Variants in AGA observed in about 807,000 individuals in gnomAD.
The protein encoded by AGA is aspartylglucosaminidase.
AGA carries 31 observed loss-of-function variants against 40.1 expected under a neutral mutation model. That is an observed-to-expected ratio of 0.77 (90% CI 0.58 to 1.04). The LOEUF is 1.04. Among genes scored for constraint, AGA ranks in the 50% least tolerant of loss-of-function variants. The pLI is 0.00. For synonymous variants in AGA, 148 were observed against 144.0 expected (o/e 1.03, Z -0.20); for missense variants, 445 against 435.4 (o/e 1.02, Z -0.20).
intron 1 of AGA, among the ~76,000 whole-genome samples, chr4:177,441,776 TA>T (rs1188454499): frequency 6.6e-6 from 1 of 151,960 alleles, no homozygotes; most frequent in East Asian, 1.9e-4. Flanking sequence ...AAGTGGCAGG[TA>T]AAGTATGACA....
chr4:177,439,681 T>C lies in AGA; in HGVS notation c.289A>G (p.Met97Val). The C allele has an allele frequency of 6.2e-7, 1 of 1,605,860 alleles. No homozygotes were observed. Among genetic ancestry groups the C allele is most frequent in the Non-Finnish European group, 8.5e-7 (1 of 1,173,440 alleles). Residue 97 changes from methionine (M) to valine (V), a missense_variant, in exon 3 of 9, where the codon ATG becomes GTG. By Grantham distance (21) the Met-to-Val change is conservative. Transcript: ENST00000264595. The part of the protein sequence containing the change: ...LDAMIMDGTT[M>V]DVGAVGDLRR... The stretch of plus-strand genomic sequence containing the variant: ...AGATCTCCTACTGCTCCTACATCCA[T>C]AGTAGTGCTGCAAGAAAATAGAATG...
chr4:177,437,558 A>G (rs1736865241), intron 4 of AGA, 39 bp from the exon 5 acceptor site: 1 of 1,437,318 alleles, frequency 7.0e-7, no homozygotes. Context: ...TACAAAGGGT[A>G]TTTTTAGAAA....
intron 7 of AGA, among the ~76,000 whole-genome samples, chr4:177,433,763 C>T (rs886352737): frequency 1.3e-5 from 2 of 152,152 alleles, no homozygotes; most frequent in African/African-American, 4.8e-5. Context: ...CTACTTTTAC[C>T]ATCAATTATC....
chr4:177,437,475 T>G lies in AGA; in HGVS notation c.552A>C (p.Pro184=), dbSNP rs751337443. 6.2e-7 allele frequency: 1 copy of G among 1,613,482 alleles called. No homozygotes were observed. The highest frequency in any genetic ancestry group is 1.7e-5 in the Admixed American group (1 of 60,022). ...DPSKYCGPYK[P]PGILKQDIPI... ...GAATATCCTGCTTTAAGATACCAGG[T>G]GGTTTGTAGGGTCCGCAGTATTTTG... Residue 184 remains proline (P), a synonymous_variant, in exon 5 of 9, where the codon CCA becomes CCC. Coordinates refer to ENST00000264595, the MANE Select transcript of AGA (RefSeq NM_000027.4).
chr4:177,434,310 T>A, intron 7 of AGA, 72 bp downstream of exon 7: 1 of 1,441,872 alleles, frequency 6.9e-7, no homozygotes, highest in South Asian at 1.1e-5. Flanking sequence ...GCCTCAAAAA[T>A]TATTTTCTAT....
chr4:177,438,727 A>T lies in AGA; in HGVS notation c.507+18T>A. On this transcript the variant is annotated intron_variant, in intron 4 of 8. Coordinates refer to ENST00000264595, the MANE Select transcript of AGA (RefSeq NM_000027.4). ...TATTTTCAATTAACTTATTTTTTTA[A>T]ATTAAATGTGTGCATACCCTCCAAT... The T allele has an allele frequency of 6.7e-7, 1 of 1,483,190 alleles. No homozygotes were observed. 91.9% of individuals were successfully genotyped at this position (1,483,190 alleles called of 1,614,324 possible).
At chr4:177,434,330 A>G in intron 7 of AGA, 52 bp downstream of exon 7, 1 of 1,545,280 alleles carries the variant, frequency 6.5e-7, no homozygotes, top group Non-Finnish European at 8.9e-7. Flanking sequence ...TCTTAAAAGA[A>G]AAAAATATCT....
In AGA at chr4:177,431,389, A is replaced by G. The variant is rs1490763638; in HGVS notation, c.*319T>C. 1 of 434,296 alleles carries G rather than the reference A, an allele frequency of 2.3e-6. No individual in the cohort carries two copies. Among genetic ancestry groups the G allele is most frequent in the Admixed American group, 3.1e-5 (1 of 32,158 alleles). The allele number at this position is 434,296 out of a possible 1,614,324, so 26.9% of individuals were successfully genotyped here. ...AATATGATGATTCCTTTTGGGTTTA[A>G]TATATCACTGTGGAAATAAATCTCA... is the stretch of plus-strand genomic sequence containing the variant. On this transcript the variant is annotated 3_prime_UTR_variant, in exon 9 of 9. Coordinates refer to ENST00000264595, the MANE Select transcript of AGA (RefSeq NM_000027.4).
chr4:177,435,605 C>A (rs1451021487), intron 6 of AGA, among the ~76,000 whole-genome samples: 1 of 151,990 alleles, frequency 6.6e-6, no homozygotes, highest in Non-Finnish European at 1.5e-5. Context: ...AAATTAAATC[C>A]AGAATGCCTT....
intron 1 of AGA, among the ~76,000 whole-genome samples, chr4:177,440,902 C>A (rs558327732): frequency 6.6e-6 from 1 of 152,084 alleles, no homozygotes; most frequent in African/African-American, 2.4e-5. Flanking sequence ...ACAATTACAA[C>A]GTGGACTTCA....
At position 177,437,494 on chromosome 4, in the gene AGA, T is replaced by G; in HGVS notation, c.533A>C (p.Tyr178Ser). 1 of 1,610,826 alleles carries G rather than the reference T, an allele frequency of 6.2e-7. No individual in the cohort carries two copies. Among genetic ancestry groups the G allele is most frequent in the Non-Finnish European group, 8.5e-7 (1 of 1,177,050 alleles). Residue 178 changes from tyrosine to serine, a missense_variant, in exon 5 of 9, where the codon TAC (tyrosine) becomes TCC (serine). Transcript: ENST00000264595. ...ACCAGGTGGTTTGTAGGGTCCGCAG[T>G]ATTTTGAGGGATCTGGTATAACATT... The part of the protein sequence containing the change: ...WRNVIPDPSK[Y>S]CGPYKPPGIL...
intron 1 of AGA, 54 bp downstream of exon 1, chr4:177,442,189 AGTCATC>A: frequency 6.2e-7 from 1 of 1,603,566 alleles, no homozygotes; most frequent in Non-Finnish European, 8.5e-7. Flanking sequence ...GGGGCGGGCT[AGTCATC>A]CCCACCCGCA....
In AGA at chr4:177,442,416, A is replaced by G. The variant is rs1330913471; in HGVS notation, c.-41T>C. The G allele has an allele frequency of 6.2e-7, 1 of 1,612,962 alleles. No individual in the cohort carries two copies. The highest frequency in any genetic ancestry group is 8.5e-7 in the Non-Finnish European group (1 of 1,179,556). Reference sequence around the variant, plus strand: ...AGACCAGCGCGAGAAAAGTCCCGGCAGCCAGCGATCGCCGAACAATTAATC... The same window carrying G: ...AGACCAGCGCGAGAAAAGTCCCGGCGGCCAGCGATCGCCGAACAATTAATC... On this transcript the variant is annotated 5_prime_UTR_variant, in exon 1 of 9. Transcript: ENST00000264595.
At position 177,437,470 on chromosome 4, in the gene AGA, C is replaced by T; in HGVS notation, c.557G>A (p.Gly186Asp). ...GATAGGAATATCCTGCTTTAAGATA[C>T]CAGGTGGTTTGTAGGGTCCGCAGTA... is the stretch of plus-strand genomic sequence containing the variant. ...SKYCGPYKPP[G>D]ILKQDIPIHK... The change falls in exon 5 of 9, where the codon GGT becomes GAT. Residue 186 changes from glycine to aspartate, a missense_variant. Coordinates refer to ENST00000264595, the MANE Select transcript of AGA (RefSeq NM_000027.4). The T allele has an allele frequency of 6.2e-7, 1 of 1,613,408 alleles. No individual in the cohort carries two copies.
At chr4:177,435,348 T>A (rs1736776893) in intron 6 of AGA, among the ~76,000 whole-genome samples, 1 of 152,224 alleles carries the variant, frequency 6.6e-6, no homozygotes, top group South Asian at 2.1e-4. Flanking sequence ...CAAATACACA[T>A]AATTTTCATT....
Position 177,440,970 on chromosome 4 carries a change from C to T in AGA, c.128-544G>A, listed in dbSNP as rs778149749. On this transcript the variant is annotated intron_variant, in intron 1 of 8. Transcript: ENST00000264595. ...TTCTGTGGTAGGTACTGTACAATCA[C>T]GACCCTCATTTTAAAGAAAAGTAAA... is the stretch of plus-strand genomic sequence containing the variant. 1.0e-3 allele frequency among the ~76,000 whole-genome samples: 158 copies of T among 152,190 alleles called. 3 individuals carry two copies. The highest frequency in any genetic ancestry group is 3.4e-3 in the Middle Eastern group (1 of 294).
Position 177,434,437 on chromosome 4 carries a change from C to T in AGA, c.751G>A (p.Ala251Thr). Residue 251 changes from alanine to threonine, a missense_variant, in exon 7 of 9, where the codon GCA becomes ACA. Coordinates refer to ENST00000264595, the MANE Select transcript of AGA (RefSeq NM_000027.4). The stretch of plus-strand genomic sequence containing the variant: ...TTCCCAGTGGCTGCGGCTGCCCCTG[C>T]AGTATCGTCAGCATAGGCTCCAGCT... ...PGAGAYADDT[A>T]GAAAATGNGD... is the part of the protein sequence containing the mutation. The T allele has an allele frequency of 6.2e-7, 1 of 1,614,162 alleles. No homozygotes were observed. Among genetic ancestry groups the T allele is most frequent in the Non-Finnish European group, 8.5e-7 (1 of 1,180,028 alleles).
intron 2 of AGA, 46 bp downstream of exon 2, chr4:177,440,227 T>C (rs1485869840): frequency 6.2e-7 from 1 of 1,609,594 alleles, no homozygotes; most frequent in Non-Finnish European, 8.5e-7. Flanking sequence ...ACCACAACTC[T>C]AAATGTAACT....
At position 177,440,366 on chromosome 4, in the gene AGA, A is replaced by G. The variant is rs760773119; in HGVS notation, c.188T>C (p.Met63Thr). The G allele has an allele frequency of 2.5e-6, 4 of 1,613,910 alleles. No homozygotes were observed. Among genetic ancestry groups the G allele is most frequent in the Middle Eastern group, 1.6e-4 (1 of 6,080 alleles). ...ALDAVESGCA[M>T]CEREQCDGSV... Reference sequence around the variant, plus strand: ...GCCGTCACACTGCTCTCTCTCACACATGGCACAGCCGCTCTCCACTGCATC... The same window carrying G: ...GCCGTCACACTGCTCTCTCTCACACGTGGCACAGCCGCTCTCCACTGCATC... The change falls in exon 2 of 9, where the codon ATG becomes ACG. Residue 63 changes from methionine to threonine, a missense_variant. By Grantham distance (81) the Met-to-Thr change is moderately conservative. Transcript: ENST00000264595.
Sources: gnomAD v4.1 joint callset for allele counts (sites outside exome capture counted in the v4.1 genomes callset) on GRCh38, gnomAD v4.1.1 for gene constraint, MANE v1.5 for transcripts, NCBI Gene and HGNC (gene_info 2026-07-23, HGNC 2026-07-21) for gene names.